The following MET variants were observed in gnomAD, a reference collection of about 807,000 sequenced individuals.
MET encodes hepatocyte growth factor receptor.
In MET, 48 loss-of-function variants were observed where a neutral mutation model predicts 133.1. The observed-to-expected ratio is 0.36, with a 90% CI of 0.29 to 0.46. The LOEUF (loss-of-function observed/expected upper bound fraction) is 0.46. MET is among the 20% of genes least tolerant of loss of function. The pLI, the probability that MET is intolerant of heterozygous loss-of-function variation, is 1.00. For synonymous variants in MET, 628 were observed against 616.5 expected, an observed-to-expected ratio of 1.02 and a Z score of -0.28; for missense variants, 1,442 against 1,695.9, an observed-to-expected ratio of 0.85 and a Z score of 2.63.
intron 1 of MET, among the ~76,000 whole-genome samples, chr7:116,692,012 G>A (rs1403840707): frequency 6.6e-6 from 1 of 152,056 alleles, no homozygotes; most frequent in African/African-American, 2.4e-5. Context: ...GGTAAAAAGA[G>A]GTATTTATTA....
rs201882845 is a variant in MET at position 116,731,820 on chromosome 7, C to A, written c.1353C>A (p.Thr451=). The A allele has an allele frequency of 6.2e-7, 1 of 1,614,102 alleles. No individual in the cohort carries two copies. Among genetic ancestry groups the A allele is most frequent in the South Asian group, 1.1e-5 (1 of 91,084 alleles). The stretch of plus-strand genomic sequence containing the variant: ...CCACCTTCATTAAAGGAGACCTCAC[C>A]ATAGCTAATCTTGGGACATCAGAGG... ...SISTFIKGDL[T]IANLGTSEGR... is the part of the protein sequence containing the mutation. The change falls in exon 3 of 21, where the codon ACC becomes ACA. Residue 451 remains threonine, a synonymous_variant. Transcript: ENST00000397752.
At chr7:116,755,119 G>T (rs1161805452) in intron 5 of MET, among the ~76,000 whole-genome samples, 1 of 152,094 alleles carries the variant, frequency 6.6e-6, no homozygotes, top group Middle Eastern at 3.2e-3. Context: ...CCCATCTTTG[G>T]ATCTCCTGAA....
Position 116,762,954 on chromosome 7 carries a change from T to C in MET, c.2365-96T>C, listed in dbSNP as rs1794452709. On this transcript the variant is annotated intron_variant, in intron 10 of 20. Coordinates refer to ENST00000397752, the MANE Select transcript of MET (RefSeq NM_000245.4). Reference sequence around the variant, plus strand: ...TAAATACAGATTTTTTCAAAAATTATATATTTTCAATTGATTGGGGTGGTA... The same window carrying C: ...TAAATACAGATTTTTTCAAAAATTACATATTTTCAATTGATTGGGGTGGTA... 1.0e-5 allele frequency: 11 copies of C among 1,049,796 alleles called. No individual in the cohort carries two copies. In the South Asian group the frequency reaches 1.1e-4, roughly 10 times the overall value. The allele number at this position is 1,049,796 out of a possible 1,614,324, so 65.0% of individuals were successfully genotyped here. A position where few individuals can be genotyped will look rare whatever the true frequency, so the allele number is the denominator to read the frequency against.
rs780485505 is a variant in MET, at chr7:116,763,279, C to A, written c.2583+11C>A. 1.2e-5 allele frequency: 20 copies of A among 1,605,180 alleles called. No individual in the cohort carries two copies. The highest frequency in any genetic ancestry group is 1.7e-5 in the Non-Finnish European group (20 of 1,172,364). On this transcript the variant is annotated intron_variant, in intron 11 of 20. Coordinates refer to ENST00000397752, the MANE Select transcript of MET (RefSeq NM_000245.4). ...GTACTGGAAATTAAGGTAAGAAATGCTTTAAACACTGTCTTAAATCATCAG... is the reference window on the plus strand; with the variant it reads ...GTACTGGAAATTAAGGTAAGAAATGATTTAAACACTGTCTTAAATCATCAG...
chr7:116,679,301 T>A (rs1342602156), intron 1 of MET, among the ~76,000 whole-genome samples: 1 of 152,182 alleles, frequency 6.6e-6, no homozygotes, highest in Non-Finnish European at 1.5e-5. Flanking sequence ...TGGAATAAGA[T>A]CTATTCTAAG....
chr7:116,723,700 C>A (rs1792599690), intron 2 of MET, among the ~76,000 whole-genome samples: 1 of 152,198 alleles, frequency 6.6e-6, no homozygotes, highest in South Asian at 2.1e-4. Flanking sequence ...TTCCTTCTAA[C>A]AGACAGGACC....
intron 3 of MET, among the ~76,000 whole-genome samples, chr7:116,734,106 A>G (rs2116797155): frequency 1.3e-5 from 2 of 152,342 alleles, no homozygotes; most frequent in South Asian, 4.1e-4. Flanking sequence ...GTGACTTCCT[A>G]CAAAGTTCTG....
chr7:116,712,082 C>T (rs547856213), intron 2 of MET, among the ~76,000 whole-genome samples: 1 of 152,332 alleles, frequency 6.6e-6, no homozygotes, highest in East Asian at 1.9e-4. Context: ...CCCTGTCCTA[C>T]ACGCAACCTG....
Position 116,755,464 on chromosome 7 carries a change from T to C in MET, c.1811T>C (p.Leu604Pro). 1 of 1,614,146 alleles carries C rather than the reference T, an allele frequency of 6.2e-7. No homozygotes were observed. ...NKFDLKKTRV[L>P]LGNESCTLTL... ...TTTGATTTAAAGAAAACTAGAGTTCTCCTTGGAAATGAGAGCTGCACCTTG... is the reference window on the plus strand; with the variant it reads ...TTTGATTTAAAGAAAACTAGAGTTCCCCTTGGAAATGAGAGCTGCACCTTG... Residue 604 changes from leucine to proline, a missense_variant, in exon 6 of 21, where the codon CTC becomes CCC. Leu to Pro is a moderately conservative substitution (Grantham distance 98). This residue lies in a region of MET where 762 missense variants were observed against 792.4 expected (regional missense o/e 0.96). Transcript: ENST00000397752.
rs2117040242 is a variant in MET, at chr7:116,777,446, A to G, written c.3317A>G (p.His1106Arg). 1.9e-6 allele frequency: 3 copies of G among 1,613,880 alleles called. No homozygotes were observed. The highest frequency in any genetic ancestry group is 1.3e-5 in the African/African-American group (1 of 75,046). The change falls in exon 16 of 21, where the codon CAC becomes CGC. Residue 1106 changes from histidine to arginine, a missense_variant. This residue lies in a region of MET where 514 missense variants were observed against 659.6 expected (regional missense o/e 0.78). Transcript: ENST00000397752. The part of the protein sequence containing the change: ...TLLDNDGKKI[H>R]CAVKSLNRIT... ...TTGGACAATGATGGCAAGAAAATTC[A>G]CTGTGCTGTGAAATCCTTGAACAGT...
chr7:116,763,767 A>C (rs1465422519), intron 11 of MET, among the ~76,000 whole-genome samples: 1 of 152,238 alleles, frequency 6.6e-6, no homozygotes, highest in Non-Finnish European at 1.5e-5. Flanking sequence ...AATGTAATTT[A>C]ATAGAGAATA....
intron 14 of MET, among the ~76,000 whole-genome samples, chr7:116,773,590 T>G (rs1247976272): frequency 6.6e-6 from 1 of 152,202 alleles, no homozygotes; most frequent in African/African-American, 2.4e-5. Flanking sequence ...GGGGAAGGTT[T>G]AGAGACCCTG....
intron 5 of MET, 74 bp downstream of exon 5, chr7:116,741,099 G>GGTTT (rs1793436087): frequency 6.6e-7 from 1 of 1,506,030 alleles, no homozygotes; most frequent in South Asian, 1.3e-5. Flanking sequence ...GGTTTGGTTT[G>GGTTT]TTTTTTGTTT....
At chr7:116,750,556 T>G (rs1212278437) in intron 5 of MET, among the ~76,000 whole-genome samples, 7 of 152,140 alleles carry the variant, frequency 4.6e-5, no homozygotes, top group Non-Finnish European at 1.0e-4. Context: ...CCAAAAGCAA[T>G]GGCAACAAAA....
At position 116,778,784 on chromosome 7, in the gene MET, G is replaced by A. The variant is rs2117044837; in HGVS notation, c.3349G>A (p.Asp1117Asn). ...CAVKSLNRIT[D>N]IGEVSQFLTE... is the part of the protein sequence containing the mutation. ...ACCACTGGATTTCTCAGGAATCACT[G>A]ACATAGGAGAAGTTTCCCAATTTCT... Residue 1117 changes from aspartate to asparagine, a missense_variant, in exon 17 of 21, where the codon GAC becomes AAC. Asp to Asn is a conservative substitution (Grantham distance 23). Transcript: ENST00000397752. 1.2e-6 allele frequency: 2 copies of A among 1,613,932 alleles called. No homozygotes were observed. Among genetic ancestry groups the A allele is most frequent in the Non-Finnish European group, 1.7e-6 (2 of 1,179,916 alleles).
At chr7:116,686,056 C>G (rs1037961345) in intron 1 of MET, among the ~76,000 whole-genome samples, 1 of 152,140 alleles carries the variant, frequency 6.6e-6, no homozygotes, top group African/African-American at 2.4e-5. Flanking sequence ...CACCTTTGCC[C>G]TGAACTGCCC....
chr7:116,708,244 C>T (rs1293297101), intron 2 of MET, among the ~76,000 whole-genome samples: 1 of 152,108 alleles, frequency 6.6e-6, no homozygotes, highest in Non-Finnish European at 1.5e-5. Flanking sequence ...AGTTGAGTCA[C>T]AAAAGGCTGT....
intron 2 of MET, among the ~76,000 whole-genome samples, chr7:116,729,635 C>T (rs80016017): frequency 5.9e-4 from 90 of 152,254 alleles, no homozygotes; most frequent in Non-Finnish European, 1.2e-3. Flanking sequence ...GAAATTTGCT[C>T]TCCTTTTCTT....
At chr7:116,786,913 G>C (rs1795332880) in intron 19 of MET, among the ~76,000 whole-genome samples, 1 of 152,332 alleles carries the variant, frequency 6.6e-6, no homozygotes. Flanking sequence ...GAATCAGCAA[G>C]AGGGAGAGGT....
Sources: allele counts gnomAD v4.1 joint callset (sites outside exome capture counted in the v4.1 genomes callset), GRCh38; gene constraint gnomAD v4.1.1; regional missense constraint gnomAD v4.1.1; transcripts MANE v1.5; gene names NCBI Gene and HGNC (gene_info 2026-07-23, HGNC 2026-07-21).